ITGB2: variants seen among roughly 807,000 people sequenced by gnomAD.
ITGB2 encodes integrin subunit beta 2, also known as integrin beta-2.
ITGB2 carries 56 observed loss-of-function variants against 86.8 expected under a neutral mutation model. The ratio of observed to expected loss-of-function variants is 0.65; its 90% CI spans 0.52 to 0.81. The LOEUF (loss-of-function observed/expected upper bound fraction) is 0.81. Among genes scored for constraint, ITGB2 ranks in the 30% least tolerant of loss-of-function variants. The pLI is 0.00. For missense variants in ITGB2, 948 were observed against 1,061.2 expected, an observed-to-expected ratio of 0.89 and a Z score of 1.48; for synonymous variants, 457 against 450.4, an observed-to-expected ratio of 1.01 and a Z score of -0.19.
At chr21:44,888,573 C>T in intron 14 of ITGB2, 120 bp downstream of exon 14, 2 of 1,175,012 alleles carry the variant, frequency 1.7e-6, no homozygotes. Context: ...CATGGCTCAT[C>T]CACCCTGCTG....
At chr21:44,894,111 G>A (rs776558886) in intron 9 of ITGB2, 20 of 212,852 alleles carry the variant, frequency 9.4e-5, no homozygotes, top group African/African-American at 1.4e-4. Flanking sequence ...GGCCAGGGCA[G>A]TGGCGTCACC....
In ITGB2 at chr21:44,903,553, A is replaced by C. The variant is rs2083997855; in HGVS notation, c.329-18T>G. ...TGCCTGGCCTGCCGGTGGGGACAGA[A>C]CAAAAGGAGCCACACCTCACATCTC... On this transcript the variant is annotated intron_variant, in intron 4 of 15. Coordinates refer to ENST00000652462, the MANE Select transcript of ITGB2 (RefSeq NM_000211.5). 6 of 1,613,516 alleles carry C rather than the reference A, an allele frequency of 3.7e-6. No individual in the cohort carries two copies. Among genetic ancestry groups the C allele is most frequent in the African/African-American group, 1.3e-5 (1 of 74,886 alleles).
chr21:44,913,191 G>A (rs948418693), intron 1 of ITGB2, among the ~76,000 whole-genome samples: 1 of 152,010 alleles, frequency 6.6e-6, no homozygotes, highest in Non-Finnish European at 1.5e-5. Flanking sequence ...TGCGCCAAGT[G>A]GGGAGGGGGT....
rs151037987 is a variant in ITGB2 at position 44,905,767 on chromosome 21, A to G, written c.328+1148T>C. On this transcript the variant is annotated intron_variant, in intron 4 of 15. Transcript: ENST00000652462. Reference sequence around the variant, plus strand: ...GACACCTGGGCCCTGCTCCTGCAGGACCTCCCCAATGGCTCGGCCCCATCC... The same window carrying G: ...GACACCTGGGCCCTGCTCCTGCAGGGCCTCCCCAATGGCTCGGCCCCATCC... Among the ~76,000 whole-genome samples, 27 of 151,698 alleles carry G rather than the reference A, an allele frequency of 1.8e-4. No homozygotes were observed. The East Asian group carries it at 5.3e-3, about 30-fold the overall frequency.
rs1378618759 is a variant in ITGB2, at chr21:44,889,429, C to T, written c.1724G>A (p.Cys575Tyr). 6.2e-7 allele frequency: 1 copy of T among 1,609,656 alleles called. No individual in the cohort carries two copies. Among genetic ancestry groups the T allele is most frequent in the Admixed American group, 1.7e-5 (1 of 59,548 alleles). ...CAGGCAGCCCTCAGTGGTCCTCTCG[C>T]ACTGGCACGCTGAGCCCTCAAAGCC... is the stretch of plus-strand genomic sequence containing the variant. Reference protein sequence around the residue: ...HPGFEGSACQCERTTEGCLNP... With the variant: ...HPGFEGSACQYERTTEGCLNP... The change falls in exon 13 of 16, where the codon TGC (cysteine) becomes TAC (tyrosine). Residue 575 changes from cysteine to tyrosine, a missense_variant. Physicochemically the swap from Cys to Tyr is radical, Grantham distance 194. Coordinates refer to ENST00000652462, the MANE Select transcript of ITGB2 (RefSeq NM_000211.5).
At chr21:44,908,120 C>G (rs2146541424) in intron 3 of ITGB2, 1 of 729,096 alleles carries the variant, frequency 1.4e-6, no homozygotes, top group East Asian at 2.6e-5. Context: ...CGGGAGCCAC[C>G]CGGCTTCTCC....
At chr21:44,892,491 A>G (rs1053773863) in intron 10 of ITGB2, among the ~76,000 whole-genome samples, 2 of 151,632 alleles carry the variant, frequency 1.3e-5, no homozygotes, top group African/African-American at 4.8e-5. Context: ...GTGGTGGCAC[A>G]CGCCTGTAGT....
intron 1 of ITGB2, among the ~76,000 whole-genome samples, chr21:44,915,225 C>T (rs953303431): frequency 2.0e-5 from 3 of 152,150 alleles, no homozygotes; most frequent in African/African-American, 7.2e-5. Context: ...GAGGTTTCAT[C>T]GTGTTGATCA....
At chr21:44,890,289 G>A in intron 11 of ITGB2, 67 bp from the exon 12 acceptor site, 2 of 1,599,988 alleles carry the variant, frequency 1.3e-6, no homozygotes, top group African/African-American at 1.3e-5. Flanking sequence ...CAGCCGCCCT[G>A]TCCTCCAGGC....
At chr21:44,893,900 A>G (rs2083825967) in intron 9 of ITGB2, 1 of 354,718 alleles carries the variant, frequency 2.8e-6, no homozygotes, top group African/African-American at 2.1e-5. Context: ...AGAGGCAGAG[A>G]CAGACAGAGA....
At chr21:44,893,178 G>A in intron 10 of ITGB2, 1 of 528,238 alleles carries the variant, frequency 1.9e-6, no homozygotes, top group Admixed American at 3.1e-5. Context: ...GAGAGGATGT[G>A]AAGGAAAGAA....
In ITGB2 at chr21:44,908,765, C is replaced by T. The variant is rs111317577; in HGVS notation, c.147+1519G>A. On this transcript the variant is annotated intron_variant, in intron 3 of 15. Transcript: ENST00000652462. ...GCCCAGACTCTCAGGGAAAGGAACC[C>T]GAGCCGTCAGAAAACCATCTGATTC... 1.1e-3 allele frequency among the ~76,000 whole-genome samples: 161 copies of T among 152,276 alleles called. 1 individual carries two copies. Among genetic ancestry groups the T allele is most frequent in the African/African-American group, 3.8e-3 (156 of 41,554 alleles).
chr21:44,918,263 G>A (rs769805006), intron 1 of ITGB2, among the ~76,000 whole-genome samples: 4 of 152,228 alleles, frequency 2.6e-5, no homozygotes, highest in Non-Finnish European at 5.9e-5. Context: ...GCAGGACCAC[G>A]GTTCTCTGAC....
chr21:44,906,067 CCTT>C (rs1043030167), intron 4 of ITGB2, among the ~76,000 whole-genome samples: 1 of 152,100 alleles, frequency 6.6e-6, no homozygotes, highest in African/African-American at 2.4e-5. Context: ...CACCAGGCCT[CCTT>C]CTCCCATCTG....
At chr21:44,890,566 C>T (rs967843402) in intron 11 of ITGB2, among the ~76,000 whole-genome samples, 3 of 152,196 alleles carry the variant, frequency 2.0e-5, no homozygotes, top group Admixed American at 6.5e-5. Flanking sequence ...CTCCTGCGTG[C>T]CCCACATGGT....
chr21:44,909,702 C>T (rs1030706448), intron 3 of ITGB2, among the ~76,000 whole-genome samples: 6 of 152,102 alleles, frequency 3.9e-5, no homozygotes, highest in African/African-American at 1.2e-4. Context: ...ATAAAATATG[C>T]GTAGTGTGTA....
intron 11 of ITGB2, 126 bp from the exon 12 acceptor site, chr21:44,890,348 G>A (rs1034448999): frequency 2.6e-5 from 31 of 1,188,636 alleles, no homozygotes; most frequent in Middle Eastern, 4.9e-4. Flanking sequence ...TGCTTTCCTC[G>A]AGGCCTACTG....
At chr21:44,892,379 G>A (rs1347785595) in intron 10 of ITGB2, among the ~76,000 whole-genome samples, 3 of 152,222 alleles carry the variant, frequency 2.0e-5, no homozygotes, top group Non-Finnish European at 4.4e-5. Context: ...CAGCACTGTG[G>A]GAGGCCGAGG....
intron 8 of ITGB2, among the ~76,000 whole-genome samples, chr21:44,898,188 G>A (rs1054709838): frequency 5.3e-5 from 8 of 152,184 alleles, no homozygotes; most frequent in African/African-American, 1.7e-4. Flanking sequence ...CAGCCGCGCC[G>A]CTGTGACTGA....
Sources: gnomAD v4.1 joint callset for allele counts (sites outside exome capture counted in the v4.1 genomes callset) on GRCh38, gnomAD v4.1.1 for gene constraint, MANE v1.5 for transcripts, NCBI Gene and HGNC (gene_info 2026-07-23, HGNC 2026-07-21) for gene names.